The following KRT78 variants were observed in gnomAD, a reference collection of about 807,000 sequenced individuals.
The protein encoded by KRT78 is keratin 78.
A neutral mutation model predicts 51.4 loss-of-function variants in KRT78; 55 were observed. That is an observed-to-expected ratio of 1.07 (90% CI 0.86 to 1.34). The LOEUF (loss-of-function observed/expected upper bound fraction) is 1.34. KRT78 is among the 40% of genes most tolerant of loss of function. KRT78 has a pLI of 0.00. For synonymous variants in KRT78, 291 were observed against 264.3 expected (o/e 1.10, Z -0.98); for missense variants, 652 against 649.4 (o/e 1.00, Z -0.04).
intron 2 of KRT78, among the ~76,000 whole-genome samples, chr12:52,847,056 C>A (rs1246865773): frequency 6.6e-6 from 1 of 152,184 alleles, no homozygotes; most frequent in Admixed American, 6.5e-5. Flanking sequence ...TTATAAGGCA[C>A]ATTCGAATAC....
chr12:52,841,301 G>A (rs56053409), intron 6 of KRT78, among the ~76,000 whole-genome samples: 6,259 of 151,396 alleles, frequency 0.041, 435 homozygotes, highest in African/African-American at 0.14. Flanking sequence ...GGCTAATACG[G>A]CGAAACCCTG....
Position 52,838,856 on chromosome 12 carries a change from C to T in KRT78, c.*257G>A, listed in dbSNP as rs1318611469. On this transcript the variant is annotated 3_prime_UTR_variant, in exon 9 of 9. Coordinates refer to ENST00000304620, the MANE Select transcript of KRT78 (RefSeq NM_173352.4). ...TGTGGAGTGAGATACCAATAGAACA[C>T]GTCTGGACACAGATATGCCACAATT... is the stretch of plus-strand genomic sequence containing the variant. 7 of 545,470 alleles carry T rather than the reference C, an allele frequency of 1.3e-5. No homozygotes were observed. The highest frequency in any genetic ancestry group is 2.0e-5 in the Non-Finnish European group (6 of 304,400). 33.8% of individuals were successfully genotyped at this position (545,470 alleles called of 1,614,324 possible). A position where few individuals can be genotyped will look rare whatever the true frequency, so the allele number is the denominator to read the frequency against.
intron 4 of KRT78, among the ~76,000 whole-genome samples, chr12:52,845,367 C>T (rs938262263): frequency 4.6e-5 from 7 of 152,146 alleles, no homozygotes; most frequent in Non-Finnish European, 1.0e-4. Context: ...CCACACCGAC[C>T]TTCCTGCATT....
At position 52,844,677 on chromosome 12, in the gene KRT78, AG is replaced by A. The variant is rs781530939; in HGVS notation, c.802del (p.Leu268CysfsTer115). 5 of 1,613,962 alleles carry A rather than the reference AG, an allele frequency of 3.1e-6. No individual in the cohort carries two copies. Among genetic ancestry groups the A allele is most frequent in the Non-Finnish European group, 4.2e-6 (5 of 1,179,962 alleles). Reference protein sequence around the residue: ...QTQASDTSVVLSMDNNRYLDF... With the variant: ...QTQASDTSVVXSMDNNRYLDF... Reference sequence around the variant, plus strand: ...CAGGTAGCGGTTGTTGTCCATGGACAGCACCACAGACGTGTCGCTGGCCTGG... The same window carrying A: ...CAGGTAGCGGTTGTTGTCCATGGACACACCACAGACGTGTCGCTGGCCTGG... On this transcript the variant is annotated frameshift_variant, in exon 5 of 9. Transcript: ENST00000304620. LOFTEE classifies it high-confidence loss of function.
chr12:52,848,942 A>G lies in KRT78; in HGVS notation c.-12T>C. ...GGGGAGAGAGACATGGCAGAGACAGACAGTCACGCAGCTGCAGACGGACAG... is the reference window on the plus strand; with the variant it reads ...GGGGAGAGAGACATGGCAGAGACAGGCAGTCACGCAGCTGCAGACGGACAG... On this transcript the variant is annotated 5_prime_UTR_variant, in exon 1 of 9. Transcript: ENST00000304620. The G allele has an allele frequency of 6.5e-7, 1 of 1,532,620 alleles. No homozygotes were observed. 94.9% of individuals were successfully genotyped at this position (1,532,620 alleles called of 1,614,324 possible).
intron 6 of KRT78, among the ~76,000 whole-genome samples, chr12:52,843,338 C>A (rs1940558948): frequency 6.9e-6 from 1 of 144,656 alleles, no homozygotes; most frequent in Non-Finnish European, 1.5e-5. Flanking sequence ...TGTACTCCAG[C>A]CTGGGCAGTG....
Position 52,839,501 on chromosome 12 carries a change from G to T in KRT78, c.1269-14C>A. 1 of 1,578,868 alleles carries T rather than the reference G, an allele frequency of 6.3e-7. No homozygotes were observed. ...TCCCCAGACATCCTAGGGGGAAAAGGACAAGAGGGGGATGCGCTAAGGAAT... is the reference window on the plus strand; with the variant it reads ...TCCCCAGACATCCTAGGGGGAAAAGTACAAGAGGGGGATGCGCTAAGGAAT... On this transcript the variant is annotated splice_polypyrimidine_tract_variant and intron_variant, in intron 7 of 8. Coordinates refer to ENST00000304620, the MANE Select transcript of KRT78 (RefSeq NM_173352.4).
chr12:52,839,630 C>A, intron 7 of KRT78, 134 bp downstream of exon 7: 1 of 1,266,758 alleles, frequency 7.9e-7, no homozygotes, highest in Admixed American at 2.1e-5. Context: ...TCCCTCTCTG[C>A]AGCGTCGGTT....
In KRT78 at chr12:52,843,140, G is replaced by A. The variant is rs565824156; in HGVS notation, c.1047+953C>T. Among the ~76,000 whole-genome samples the A allele has an allele frequency of 3.3e-5, 5 of 151,682 alleles. No individual in the cohort carries two copies. In the South Asian group the frequency reaches 1.0e-3, roughly 32 times the overall value. ...CCACCACTTTGGGAGGCCGAGGCGG[G>A]CAGATCACTTGAGGTCAGGAGTTTG... On this transcript the variant is annotated intron_variant, in intron 6 of 8. Transcript: ENST00000304620.
At chr12:52,845,772 G>A (rs1315962275) in intron 4 of KRT78, among the ~76,000 whole-genome samples, 3 of 152,012 alleles carry the variant, frequency 2.0e-5, no homozygotes, top group Non-Finnish European at 2.9e-5. Context: ...TAGCTAAGAT[G>A]GTGAAACCCC....
rs1235247170 is a variant in KRT78 at position 52,848,661 on chromosome 12, C to T, written c.270G>A (p.Gln90=). ...PGGIQEVTIN[Q]NLLTPLKIEI... Reference sequence around the variant, plus strand: ...CAATCTTCAGTGGGGTCAGCAGATTCTGGTTGATGGTCACTTCTTGGATGC... The same window carrying T: ...CAATCTTCAGTGGGGTCAGCAGATTTTGGTTGATGGTCACTTCTTGGATGC... The change falls in exon 1 of 9, where the codon CAG becomes CAA. Residue 90 remains glutamine (Q), a synonymous_variant. Coordinates refer to ENST00000304620, the MANE Select transcript of KRT78 (RefSeq NM_173352.4). 6.8e-6 allele frequency: 11 copies of T among 1,613,838 alleles called. No individual in the cohort carries two copies. Among genetic ancestry groups the T allele is most frequent in the Non-Finnish European group, 9.3e-6 (11 of 1,179,886 alleles).
At position 52,844,176 on chromosome 12, in the gene KRT78, T is replaced by A. The variant is rs778461116; in HGVS notation, c.964A>T (p.Met322Leu). 6.2e-7 allele frequency: 1 copy of A among 1,611,410 alleles called. No individual in the cohort carries two copies. The highest frequency in any genetic ancestry group is 1.7e-5 in the Admixed American group (1 of 59,070). The change falls in exon 6 of 9, where the codon ATG becomes TTG. Residue 322 changes from methionine (M) to leucine (L), a missense_variant. Physicochemically the swap from Met to Leu is conservative, Grantham distance 15. Coordinates refer to ENST00000304620, the MANE Select transcript of KRT78 (RefSeq NM_173352.4). ...QVSAQLHGDR[M>L]QETKVQISQL... ...GAGATCTGGACTTTCGTTTCCTGCA[T>A]CCTGTCCCCATGAAGCTGGGCAGAC...
intron 6 of KRT78, among the ~76,000 whole-genome samples, chr12:52,842,959 G>GAGAGAGAGAGAGAAAGGAAGGAAGGA (rs1299063277): frequency 1.9e-5 from 1 of 53,724 alleles, no homozygotes; most frequent in African/African-American, 1.2e-4. Flanking sequence ...GAGAGAGAGA[G>GAGAGAGAGAGAGAAAGGAAGGAAGGA]AGGAAGGAAG....
intron 7 of KRT78, 113 bp downstream of exon 7, chr12:52,839,651 A>G: frequency 7.6e-7 from 1 of 1,315,608 alleles, no homozygotes; most frequent in Middle Eastern, 2.2e-4. Flanking sequence ...GCCCTTAGCA[A>G]CTCACAATGT....
chr12:52,848,741 C>G lies in KRT78; in HGVS notation c.190G>C (p.Val64Leu). The G allele has an allele frequency of 1.2e-6, 2 of 1,609,570 alleles. No individual in the cohort carries two copies. The highest frequency in any genetic ancestry group is 2.2e-5 in the South Asian group (2 of 90,632). The stretch of plus-strand genomic sequence containing the variant: ...CCACCACTCCACTCCCCAAACCGCA[C>G]CCCCAGCCTACCCCCTGACCCCCAG... ...STWGSGGRLG[V>L]RFGEWSGGPG... Residue 64 changes from valine to leucine, a missense_variant, in exon 1 of 9, where the codon GTG becomes CTG. Coordinates refer to ENST00000304620, the MANE Select transcript of KRT78 (RefSeq NM_173352.4).
rs1277900695 is a variant in KRT78, at chr12:52,839,280, AC to A, written c.1395del (p.Ser466ProfsTer7). ...CGLGSGKGSP[G>X]SCCTSIVTGG... is the part of the protein sequence containing the mutation. ...CCAGTCACAATGCTGGTGCAGCAGG[AC>A]CCAGGGCTGCCTTTCCCACTACCGA... On this transcript the variant is annotated frameshift_variant, in exon 9 of 9. Coordinates refer to ENST00000304620, the MANE Select transcript of KRT78 (RefSeq NM_173352.4). LOFTEE classifies it low-confidence loss of function (END_TRUNC). 6 of 1,612,880 alleles carry A rather than the reference AC, an allele frequency of 3.7e-6. No homozygotes were observed. Among genetic ancestry groups the A allele is most frequent in the Non-Finnish European group, 5.1e-6 (6 of 1,179,454 alleles).
chr12:52,844,013 G>A (rs146688201), intron 6 of KRT78, 80 bp downstream of exon 6: 3 of 1,560,018 alleles, frequency 1.9e-6, no homozygotes, highest in African/African-American at 2.8e-5. Context: ...AACCCAACTG[G>A]AGAGAGAAGC....
rs764220045 is a variant in KRT78 at position 52,848,604 on chromosome 12, C to A, written c.327G>T (p.Thr109=). The part of the protein sequence containing the change: ...EIDPQFQVVR[T]QETQEIRTLN... ...GGGTTCTGATCTCCTGGGTCTCCTG[C>A]GTCCGCACCACCTGGAACTGGGGAT... The change falls in exon 1 of 9, where the codon ACG becomes ACT. Residue 109 remains threonine (T), a synonymous_variant. Transcript: ENST00000304620. 2 of 1,614,036 alleles carry A rather than the reference C, an allele frequency of 1.2e-6. No individual in the cohort carries two copies. The highest frequency in any genetic ancestry group is 1.7e-6 in the Non-Finnish European group (2 of 1,179,956).
intron 3 of KRT78, 94 bp downstream of exon 3, chr12:52,846,670 C>A (rs941928273): frequency 3.6e-6 from 4 of 1,118,682 alleles, no homozygotes; most frequent in Non-Finnish European, 5.4e-6. Flanking sequence ...TGTCCTAAAT[C>A]AGGACCTCCC....
Sources: gnomAD v4.1 joint callset for allele counts (sites outside exome capture counted in the v4.1 genomes callset) on GRCh38, gnomAD v4.1.1 for gene constraint, MANE v1.5 for transcripts, NCBI Gene and HGNC (gene_info 2026-07-23, HGNC 2026-07-21) for gene names.